The following CDYL variants were observed in gnomAD, a reference collection of about 807,000 sequenced individuals.
The protein encoded by CDYL is chromodomain Y like.
Under a neutral mutation model 47.3 loss-of-function variants are expected in CDYL, and 8 were observed. The observed-to-expected ratio is 0.17, with a 90% CI of 0.10 to 0.31. The LOEUF is 0.31. Among genes scored for constraint, CDYL ranks in the 10% least tolerant of loss-of-function variants. The pLI is 1.00. For synonymous variants in CDYL, 266 were observed against 265.0 expected (o/e 1.00, Z -0.04); for missense variants, 471 against 701.4 (o/e 0.67, Z 3.71).
At chr6:4,866,992 C>T (rs1322428299) in intron 1 of CDYL, among the ~76,000 whole-genome samples, 1 of 152,138 alleles carries the variant, frequency 6.6e-6, no homozygotes, top group Non-Finnish European at 1.5e-5. Flanking sequence ...CTTCAAATTT[C>T]TGTCACAAAT....
At chr6:4,895,451 A>ATACGTATATATGTATC (rs1762243828) in intron 2 of CDYL, among the ~76,000 whole-genome samples, 3 of 88,152 alleles carry the variant, frequency 3.4e-5, no homozygotes, top group African/African-American at 1.4e-4. Context: ...ATATATGCAT[A>ATACGTATATATGTATC]TATACATGTA....
intron 3 of CDYL, among the ~76,000 whole-genome samples, 169 bp from the exon 4 acceptor site, chr6:4,937,396 G>A (rs536647167): frequency 2.0e-5 from 3 of 151,172 alleles, no homozygotes; most frequent in Non-Finnish European, 3.0e-5. Flanking sequence ...CTTAGGAGGC[G>A]GAGGCGGGAG....
chr6:4,722,457 C>T (rs920538191), intron 2 of CDYL, among the ~76,000 whole-genome samples: 2 of 152,132 alleles, frequency 1.3e-5, no homozygotes, highest in African/African-American at 4.8e-5. Context: ...TAGAAATCTT[C>T]CGAAAGATAA....
chr6:4,867,152 T>C (rs1028346075), intron 1 of CDYL, among the ~76,000 whole-genome samples: 5 of 152,150 alleles, frequency 3.3e-5, no homozygotes, highest in Non-Finnish European at 7.4e-5. Context: ...AGCTGTGACC[T>C]CCTTTTCATT....
chr6:4,889,611 A>G (rs1761985990), intron 1 of CDYL, among the ~76,000 whole-genome samples: 1 of 152,144 alleles, frequency 6.6e-6, no homozygotes, highest in Non-Finnish European at 1.5e-5. Context: ...GTGTCCATAG[A>G]TAGAGGGTTT....
chr6:4,858,355 T>C (rs985190651), intron 1 of CDYL, among the ~76,000 whole-genome samples: 1 of 152,252 alleles, frequency 6.6e-6, no homozygotes, highest in Non-Finnish European at 1.5e-5. Context: ...CATGTAATAA[T>C]GGCGAACACA....
chr6:4,727,021 G>A (rs1306006740), intron 2 of CDYL, among the ~76,000 whole-genome samples: 1 of 152,054 alleles, frequency 6.6e-6, no homozygotes, highest in African/African-American at 2.4e-5. Flanking sequence ...CTTACCCTAA[G>A]TGCATATATA....
At chr6:4,799,962 CT>C (rs1212805915) in intron 1 of CDYL, among the ~76,000 whole-genome samples, 1 of 152,088 alleles carries the variant, frequency 6.6e-6, no homozygotes, top group African/African-American at 2.4e-5. Flanking sequence ...TTTTCGAAGT[CT>C]ACTTTGTTTT....
At chr6:4,949,780 AATAC>A (rs1476614384) in intron 5 of CDYL, among the ~76,000 whole-genome samples, 4 of 152,258 alleles carry the variant, frequency 2.6e-5, no homozygotes, top group Non-Finnish European at 5.9e-5. Flanking sequence ...TTAATCCTAT[AATAC>A]ATATCTTACC....
At chr6:4,866,046 T>C (rs1345392752) in intron 1 of CDYL, among the ~76,000 whole-genome samples, 1 of 152,190 alleles carries the variant, frequency 6.6e-6, no homozygotes, top group Non-Finnish European at 1.5e-5. Context: ...AAAACACATA[T>C]CATACTGTGT....
rs9504293 is a variant in CDYL at position 4,954,808 on chromosome 6, C to G, written c.*752C>G. Reference sequence around the variant, plus strand: ...CACTGAATAGCTTAAGTATGACTATCTAAGTTATAAGTTAGTCTTTAGTGG... The same window carrying G: ...CACTGAATAGCTTAAGTATGACTATGTAAGTTATAAGTTAGTCTTTAGTGG... On this transcript the variant is annotated 3_prime_UTR_variant, in exon 7 of 7. Transcript: ENST00000397588. The G allele has an allele frequency of 6.6e-6, 1 of 151,912 alleles. No individual in the cohort carries two copies. The highest frequency in any genetic ancestry group is 6.5e-5 in the Admixed American group (1 of 15,270). The allele number at this position is 151,912 out of a possible 1,614,324, so 9.4% of individuals were successfully genotyped here. A position where few individuals can be genotyped will look rare whatever the true frequency, so the allele number is the denominator to read the frequency against.
rs2127532277 is a variant in CDYL, at chr6:4,955,300, T to C, written c.*1244T>C. 1.3e-5 allele frequency: 2 copies of C among 152,758 alleles called. No homozygotes were observed. The highest frequency in any genetic ancestry group is 4.1e-4 in the South Asian group (2 of 4,828). The allele number at this position is 152,758 out of a possible 1,614,324, so 9.5% of individuals were successfully genotyped here. Reference sequence around the variant, plus strand: ...ATGTATGAAGAGCGAAATCAAATTCTTATTTTTGTACAGTTTTGAAGTTTA... The same window carrying C: ...ATGTATGAAGAGCGAAATCAAATTCCTATTTTTGTACAGTTTTGAAGTTTA... On this transcript the variant is annotated 3_prime_UTR_variant, in exon 7 of 7. Coordinates refer to ENST00000397588, the MANE Select transcript of CDYL (RefSeq NM_004824.4).
At chr6:4,710,525 A>C (rs752426187) in intron 1 of CDYL, among the ~76,000 whole-genome samples, 12 of 142,934 alleles carry the variant, frequency 8.4e-5, no homozygotes, top group Non-Finnish European at 1.7e-4. Flanking sequence ...GTCCCTTTTA[A>C]TTTCACCAGT....
At chr6:4,776,223 C>G (rs964684400), upstream of CDYL, among the ~76,000 whole-genome samples, 4 of 143,336 alleles carry the variant, frequency 2.8e-5, no homozygotes, top group African/African-American at 1.0e-4. Context: ...CGGCTCGCTC[C>G]CGGCCCCGCC....
At chr6:4,798,136 C>G (rs1044002767) in intron 1 of CDYL, among the ~76,000 whole-genome samples, 4 of 152,038 alleles carry the variant, frequency 2.6e-5, no homozygotes, top group Admixed American at 2.6e-4. Context: ...CTACACCTGG[C>G]TAATTTTTGT....
chr6:4,890,198 TC>T (rs1356795229), intron 1 of CDYL: 1 of 971,134 alleles, frequency 1.0e-6, no homozygotes, highest in Non-Finnish European at 1.2e-6. Flanking sequence ...TTGCCCCTTT[TC>T]TTTTAAAACT....
At chr6:4,824,147 T>C (rs988492159) in intron 1 of CDYL, among the ~76,000 whole-genome samples, 8 of 152,248 alleles carry the variant, frequency 5.3e-5, no homozygotes, top group Non-Finnish European at 7.3e-5. Context: ...GACATATGCG[T>C]TGTTTCCATA....
At chr6:4,752,792 G>A (rs1758015784) in intron 3 of CDYL, among the ~76,000 whole-genome samples, 2 of 151,952 alleles carry the variant, frequency 1.3e-5, no homozygotes, top group South Asian at 4.2e-4. Context: ...AGACACCCTG[G>A]GAGCTTGCAA....
At chr6:4,897,000 A>G (rs1380351000) in intron 2 of CDYL, among the ~76,000 whole-genome samples, 1 of 152,210 alleles carries the variant, frequency 6.6e-6, no homozygotes, top group Non-Finnish European at 1.5e-5. Context: ...TTAAATGAAT[A>G]TATTATTTCA....
Sources: gnomAD v4.1 joint callset for allele counts (sites outside exome capture counted in the v4.1 genomes callset) on GRCh38, gnomAD v4.1.1 for gene constraint, MANE v1.5 for transcripts, NCBI Gene and HGNC (gene_info 2026-07-23, HGNC 2026-07-21) for gene names.